Variants in SVEP1 observed in about 807,000 individuals in gnomAD.
The protein encoded by SVEP1 is sushi, von Willebrand factor type A, EGF and pentraxin domain-containing protein 1.
SVEP1 carries 164 observed loss-of-function variants against 367.3 expected under a neutral mutation model. That is an observed-to-expected ratio of 0.45 (90% CI 0.39 to 0.51). The LOEUF (loss-of-function observed/expected upper bound fraction) is 0.51, where lower values mean the gene tolerates loss of function less well. SVEP1 is among the 20% of genes least tolerant of loss of function. The pLI, the probability that SVEP1 is intolerant of heterozygous loss-of-function variation, is 0.00. For synonymous variants in SVEP1, 1,666 were observed against 1,611.6 expected, an observed-to-expected ratio of 1.03 and a Z score of -0.81; for missense variants, 4,117 against 4,425.3, an observed-to-expected ratio of 0.93 and a Z score of 1.98.
At chr9:110,465,830 T>C (rs1226734283) in intron 18 of SVEP1, 35 bp downstream of exon 18, 1 of 1,598,390 alleles carries the variant, frequency 6.3e-7, no homozygotes, top group South Asian at 1.1e-5. Context: ...ACCTAGTAGG[T>C]TTAAAGAAAT....
intron 40 of SVEP1, among the ~76,000 whole-genome samples, chr9:110,398,018 A>G (rs888236212): frequency 2.4e-5 from 3 of 126,226 alleles, no homozygotes; most frequent in Non-Finnish European, 5.4e-5. Flanking sequence ...GAACCAAAAA[A>G]GAGCTGCGTC....
intron 9 of SVEP1, among the ~76,000 whole-genome samples, chr9:110,488,532 G>A (rs1488162255): frequency 2.0e-5 from 3 of 152,068 alleles, no homozygotes; most frequent in Non-Finnish European, 4.4e-5. Context: ...GAAGCTAAGG[G>A]AAGGAAAAAG....
At chr9:110,532,737 G>A (rs1220021111) in intron 3 of SVEP1, among the ~76,000 whole-genome samples, 1 of 151,968 alleles carries the variant, frequency 6.6e-6, no homozygotes, top group Non-Finnish European at 1.5e-5. Context: ...AGCCTCTCAG[G>A]GGCTGTCTGG....
At chr9:110,391,069 C>T (rs773232045) in intron 40 of SVEP1, among the ~76,000 whole-genome samples, 2 of 152,108 alleles carry the variant, frequency 1.3e-5, no homozygotes, top group Non-Finnish European at 2.9e-5. Flanking sequence ...ATTATCACAA[C>T]TTAAAAAGTA....
intron 9 of SVEP1, among the ~76,000 whole-genome samples, chr9:110,484,887 C>T (rs1204911015): frequency 6.6e-6 from 1 of 152,130 alleles, no homozygotes; most frequent in Non-Finnish European, 1.5e-5. Context: ...CAATGAGATA[C>T]CATCTCACGT....
chr9:110,411,346 G>C lies in SVEP1; in HGVS notation c.6365C>G (p.Ala2122Gly), dbSNP rs761975189. Residue 2122 changes from alanine (A) to glycine (G), a missense_variant, in exon 37 of 48, where the codon GCA (alanine) becomes GGA (glycine). This residue lies in a region of SVEP1 where 2,174 missense variants were observed against 2,494.3 expected (regional missense o/e 0.87). Transcript: ENST00000374469. ...CCCACCTCTCATACATTCAATCTTT[G>C]CTGAGGTGTTCAGTACAAAGCCTTC... Reference protein sequence around the residue: ...CMEGFVLNTSAKIECMRGGQW... With the variant: ...CMEGFVLNTSGKIECMRGGQW... The C allele has an allele frequency of 1.2e-6, 2 of 1,614,010 alleles. No homozygotes were observed. Among genetic ancestry groups the C allele is most frequent in the Non-Finnish European group, 1.7e-6 (2 of 1,179,890 alleles).
chr9:110,452,970 T>A (rs1253750062), intron 22 of SVEP1, among the ~76,000 whole-genome samples: 1 of 152,210 alleles, frequency 6.6e-6, no homozygotes, highest in Non-Finnish European at 1.5e-5. Flanking sequence ...TTCATAAGCC[T>A]GGGACTACCA....
At position 110,375,567 on chromosome 9, in the gene SVEP1, C is replaced by G. The variant is rs1827340061; in HGVS notation, c.10505-104G>C. 5 of 1,040,924 alleles carry G rather than the reference C, an allele frequency of 4.8e-6. No homozygotes were observed. The South Asian group carries it at 6.8e-5, about 14-fold the overall frequency. 64.5% of individuals were successfully genotyped at this position (1,040,924 alleles called of 1,614,324 possible). The stretch of plus-strand genomic sequence containing the variant: ...GTTCAAGGGTTCAGAAAACATTTTG[C>G]AGGAGTGAAACCTTATATGACTCAC... On this transcript the variant is annotated intron_variant, in intron 45 of 47. Transcript: ENST00000374469.
intron 3 of SVEP1, among the ~76,000 whole-genome samples, chr9:110,542,133 T>C (rs1014214550): frequency 6.6e-6 from 1 of 152,082 alleles, no homozygotes; most frequent in Non-Finnish European, 1.5e-5. Flanking sequence ...TTGAACACAG[T>C]TCAGTGTCTG....
At chr9:110,378,619 A>T (rs1827387025) in intron 44 of SVEP1, among the ~76,000 whole-genome samples, 2 of 151,890 alleles carry the variant, frequency 1.3e-5, no homozygotes, top group South Asian at 4.2e-4. Context: ...CCCATTTGTC[A>T]ATTTTGTCTT....
intron 5 of SVEP1, 35 bp downstream of exon 5, chr9:110,512,891 A>C (rs763649561): frequency 8.7e-6 from 14 of 1,612,298 alleles, no homozygotes; most frequent in Non-Finnish European, 1.2e-5. Flanking sequence ...CAGGCAAGAC[A>C]GTAAATAAAC....
At position 110,407,681 on chromosome 9, in the gene SVEP1, A is replaced by C. The variant is rs751918891; in HGVS notation, c.7919T>G (p.Met2640Arg). 1.2e-6 allele frequency: 2 copies of C among 1,614,024 alleles called. No homozygotes were observed. Among genetic ancestry groups the C allele is most frequent in the Non-Finnish European group, 1.7e-6 (2 of 1,179,890 alleles). The change falls in exon 38 of 48, where the codon ATG becomes AGG. Residue 2640 changes from methionine (M) to arginine (R), a missense_variant. Physicochemically the swap from Met to Arg is moderately conservative, Grantham distance 91. Coordinates refer to ENST00000374469, the MANE Select transcript of SVEP1 (RefSeq NM_153366.4). The stretch of plus-strand genomic sequence containing the variant: ...AGGAGTCACATATGGAACTTCCATC[A>C]TGTCGTCTTCTTGCTCAAAATATCC... ...DQGYFEQEDD[M>R]MEVPYVTPHP...
rs926884748 is a variant in SVEP1 at position 110,411,738 on chromosome 9, G to A, written c.5976-3C>T. On this transcript the variant is annotated splice_polypyrimidine_tract_variant and splice_region_variant and intron_variant, in intron 36 of 47. Transcript: ENST00000374469. ...TGTCAAGACCAGCAAGAGTATAGCT[G>A]TGAGGTTGGGAAGAAAGAAAGAATA... 8 of 1,525,084 alleles carry A rather than the reference G, an allele frequency of 5.2e-6. No individual in the cohort carries two copies. The highest frequency in any genetic ancestry group is 7.1e-6 in the Non-Finnish European group (8 of 1,134,522). The allele number at this position is 1,525,084 out of a possible 1,614,324, so 94.5% of individuals were successfully genotyped here. A position where few individuals can be genotyped will look rare whatever the true frequency, so the allele number is the denominator to read the frequency against.
chr9:110,394,823 A>G (rs1378144051), intron 40 of SVEP1, among the ~76,000 whole-genome samples: 6 of 152,136 alleles, frequency 3.9e-5, no homozygotes, highest in Non-Finnish European at 7.4e-5. Context: ...AAAGAAATGA[A>G]CAAAGCCTCC....
At chr9:110,391,414 G>A (rs1827653694) in intron 40 of SVEP1, among the ~76,000 whole-genome samples, 1 of 151,818 alleles carries the variant, frequency 6.6e-6, no homozygotes, top group South Asian at 2.1e-4. Flanking sequence ...GAGACTACAG[G>A]TGCCTGCCAC....
chr9:110,558,770 T>C (rs531065791), intron 1 of SVEP1, among the ~76,000 whole-genome samples: 1 of 152,260 alleles, frequency 6.6e-6, no homozygotes, highest in African/African-American at 2.4e-5. Context: ...GTACAAATTT[T>C]AGTGTAGAAA....
At chr9:110,524,787 C>T (rs184390048) in intron 3 of SVEP1, among the ~76,000 whole-genome samples, 237 of 151,904 alleles carry the variant, frequency 1.6e-3, no homozygotes, top group African/African-American at 5.5e-3. Flanking sequence ...TCACAGCTCA[C>T]TGCAACCTTA....
chr9:110,549,901 C>T lies in SVEP1; in HGVS notation c.735G>A (p.Leu245=), dbSNP rs367832094. The T allele has an allele frequency of 3.4e-5, 55 of 1,613,788 alleles. No individual in the cohort carries two copies. The highest frequency in any genetic ancestry group is 4.5e-5 in the Non-Finnish European group (53 of 1,179,856). Residue 245 remains leucine (L), a synonymous_variant, in exon 2 of 48, where the codon CTG becomes CTA. Coordinates refer to ENST00000374469, the MANE Select transcript of SVEP1 (RefSeq NM_153366.4). ...CCTCAAATTCTTCAAAACTGTGTAG[C>T]AGGTAACAGTGCTCCTCCTTTGGGG... The part of the protein sequence containing the change: ...ASTPKEEHCY[L]LHSFEEFEAL...
At chr9:110,541,852 TATATCTATATACATA>T (rs1830153120) in intron 3 of SVEP1, among the ~76,000 whole-genome samples, 1 of 140,710 alleles carries the variant, frequency 7.1e-6, no homozygotes, top group South Asian at 2.2e-4. Flanking sequence ...GATATCTATA[TATATCTATATACATA>T]GATATCTATA....
Sources: gnomAD v4.1 joint callset for allele counts (sites outside exome capture counted in the v4.1 genomes callset) on GRCh38, gnomAD v4.1.1 for gene constraint, gnomAD v4.1.1 regional missense constraint, MANE v1.5 for transcripts, NCBI Gene and HGNC (gene_info 2026-07-23, HGNC 2026-07-21) for gene names.